The following DSCAML1 variants were observed in gnomAD, a reference collection of about 807,000 sequenced individuals.
DSCAML1 encodes cell adhesion molecule DSCAML1.
A neutral mutation model predicts 200.5 loss-of-function variants in DSCAML1; 38 were observed. The observed-to-expected ratio is 0.19, with a 90% CI of 0.15 to 0.25. The LOEUF is 0.25. Among genes scored for constraint, DSCAML1 ranks in the 10% least tolerant of loss-of-function variants. The pLI is 1.00. For synonymous variants in DSCAML1, 1,215 were observed against 1,165.0 expected, an observed-to-expected ratio of 1.04 and a Z score of -0.87; for missense variants, 2,223 against 2,858.8, an observed-to-expected ratio of 0.78 and a Z score of 5.07.
chr11:117,810,280 G>A (rs978095336), intron 1 of DSCAML1, among the ~76,000 whole-genome samples: 1 of 152,140 alleles, frequency 6.6e-6, no homozygotes, highest in Non-Finnish European at 1.5e-5. Context: ...CCCTCTGGGG[G>A]AGGGGCAAGT....
chr11:117,728,630 T>C (rs910425770), intron 3 of DSCAML1, among the ~76,000 whole-genome samples: 1 of 152,214 alleles, frequency 6.6e-6, no homozygotes, highest in African/African-American at 2.4e-5. Flanking sequence ...ATCTATTGCA[T>C]TTCTATATAC....
chr11:117,488,085 C>T (rs1461890267), intron 11 of DSCAML1, among the ~76,000 whole-genome samples: 1 of 152,196 alleles, frequency 6.6e-6, no homozygotes, highest in Non-Finnish European at 1.5e-5. Context: ...GCTTTCAGCC[C>T]CTTGTCCTCA....
At chr11:117,688,224 C>T (rs936092630) in intron 3 of DSCAML1, among the ~76,000 whole-genome samples, 5 of 152,318 alleles carry the variant, frequency 3.3e-5, no homozygotes, top group East Asian at 3.9e-4. Context: ...GTGCCAACCC[C>T]GAGGGGCAGA....
chr11:117,433,093 A>G (rs1409312218), intron 29 of DSCAML1, 45 bp downstream of exon 29: 1 of 1,550,208 alleles, frequency 6.5e-7, no homozygotes. Context: ...TAGCCTGGGG[A>G]AGCACACCCA....
At chr11:117,701,681 TG>T (rs2053670089) in intron 3 of DSCAML1, among the ~76,000 whole-genome samples, 1 of 152,148 alleles carries the variant, frequency 6.6e-6, no homozygotes, top group Non-Finnish European at 1.5e-5. Context: ...CAAACAAAAA[TG>T]CCGTGTCAGG....
At chr11:117,654,582 C>T (rs925277976) in intron 3 of DSCAML1, among the ~76,000 whole-genome samples, 1 of 152,124 alleles carries the variant, frequency 6.6e-6, no homozygotes, top group Non-Finnish European at 1.5e-5. Context: ...GGTACATGAG[C>T]ACATGGAATC....
At chr11:117,495,468 A>G (rs2049273363) in intron 11 of DSCAML1, among the ~76,000 whole-genome samples, 1 of 152,126 alleles carries the variant, frequency 6.6e-6, no homozygotes. Context: ...GTGGAGGCTC[A>G]GGCTTCTAGG....
chr11:117,569,505 T>G (rs150854359), intron 3 of DSCAML1, among the ~76,000 whole-genome samples: 2,341 of 152,314 alleles, frequency 0.015, 36 homozygotes, highest in East Asian at 0.083. Flanking sequence ...CTCAAACTCT[T>G]GATCCTCCCA....
At chr11:117,517,576 C>G (rs2049797350) in intron 7 of DSCAML1, among the ~76,000 whole-genome samples, 1 of 152,190 alleles carries the variant, frequency 6.6e-6, no homozygotes, top group Admixed American at 6.5e-5. Context: ...GATGGGAAAC[C>G]CACACTTCTG....
At chr11:117,741,429 C>G (rs945892003) in intron 3 of DSCAML1, among the ~76,000 whole-genome samples, 7 of 152,266 alleles carry the variant, frequency 4.6e-5, no homozygotes, top group Admixed American at 1.3e-4. Flanking sequence ...TGGATGACTG[C>G]ATGGAGCAGA....
At chr11:117,687,263 TTTTTTAA>T (rs1319229721) in intron 3 of DSCAML1, among the ~76,000 whole-genome samples, 1 of 152,048 alleles carries the variant, frequency 6.6e-6, no homozygotes, top group Non-Finnish European at 1.5e-5. Flanking sequence ...TTATTTTTTA[TTTTTTAA>T]TTTTTTTAGA....
At chr11:117,441,964 C>T (rs1351890466) in intron 21 of DSCAML1, among the ~76,000 whole-genome samples, 1 of 152,040 alleles carries the variant, frequency 6.6e-6, no homozygotes, top group Non-Finnish European at 1.5e-5. Context: ...GAATCTGTGT[C>T]TCAGGGTGTG....
intron 3 of DSCAML1, among the ~76,000 whole-genome samples, chr11:117,775,442 AT>A (rs2055112816): frequency 6.6e-6 from 1 of 152,104 alleles, no homozygotes; most frequent in Non-Finnish European, 1.5e-5. Flanking sequence ...CTATTAGCCT[AT>A]GGTTTTACAA....
intron 1 of DSCAML1, among the ~76,000 whole-genome samples, chr11:117,807,204 C>T (rs901994732): frequency 2.0e-5 from 3 of 152,214 alleles, no homozygotes; most frequent in Non-Finnish European, 4.4e-5. Context: ...CATCTCTCTG[C>T]CTCCTCAGAG....
intron 29 of DSCAML1, 68 bp downstream of exon 29, chr11:117,433,070 C>T (rs745507361): frequency 2.9e-5 from 41 of 1,427,614 alleles, no homozygotes; most frequent in Non-Finnish European, 3.8e-5. Context: ...TGGTGTTTGA[C>T]TTCCATGGGT....
intron 3 of DSCAML1, among the ~76,000 whole-genome samples, chr11:117,664,622 A>C (rs1264676678): frequency 2.0e-5 from 3 of 152,224 alleles, no homozygotes; most frequent in Non-Finnish European, 4.4e-5. Context: ...CACTTAGCAC[A>C]ATGTCTACCC....
intron 3 of DSCAML1, among the ~76,000 whole-genome samples, chr11:117,535,133 A>G (rs1359382740): frequency 6.6e-6 from 1 of 152,124 alleles, no homozygotes; most frequent in Non-Finnish European, 1.5e-5. Context: ...GAGCAAGACT[A>G]CCAACACCCA....
chr11:117,436,514 ATGTGTG>A lies in DSCAML1; in HGVS notation c.4720+602_4720+607del, dbSNP rs34000595. ...TCAGCCTTCCATGTCCCTTCAATGG[ATGTGTG>A]TGTGTGTGTATGTGTGTGTATGTGT... On this transcript the variant is annotated intron_variant, in intron 26 of 32. Coordinates refer to ENST00000651296, the MANE Select transcript of DSCAML1 (RefSeq NM_020693.4). Among the ~76,000 whole-genome samples, 24 of 149,354 alleles carry A rather than the reference ATGTGTG, an allele frequency of 1.6e-4. No homozygotes were observed. The East Asian group carries it at 3.1e-3, about 19-fold the overall frequency.
intron 3 of DSCAML1, among the ~76,000 whole-genome samples, chr11:117,650,670 T>TGTGTGTGC (rs2052611732): frequency 8.4e-6 from 1 of 118,722 alleles, no homozygotes; most frequent in Non-Finnish European, 1.8e-5. Flanking sequence ...TGTCTATCTG[T>TGTGTGTGC]GTGTGTGTGT....
Sources: allele counts gnomAD v4.1 joint callset (sites outside exome capture counted in the v4.1 genomes callset), GRCh38; gene constraint gnomAD v4.1.1; transcripts MANE v1.5; gene names NCBI Gene and HGNC (gene_info 2026-07-23, HGNC 2026-07-21).